ZCCHC14: variants seen among roughly 807,000 people sequenced by gnomAD.
The protein encoded by ZCCHC14 is zinc finger CCHC domain-containing protein 14.
Under a neutral mutation model 85.0 loss-of-function variants are expected in ZCCHC14, and 16 were observed. That is an observed-to-expected ratio of 0.19 (90% CI 0.13 to 0.29). ZCCHC14 has a LOEUF of 0.29. Among genes scored for constraint, ZCCHC14 ranks in the 10% least tolerant of loss-of-function variants. ZCCHC14 has a pLI of 1.00. For synonymous variants in ZCCHC14, 775 were observed against 630.7 expected, an observed-to-expected ratio of 1.23 and a Z score of -3.43; for missense variants, 1,303 against 1,443.5, an observed-to-expected ratio of 0.90 and a Z score of 1.58.
intron 7 of ZCCHC14, among the ~76,000 whole-genome samples, chr16:87,418,378 C>A (rs555517165): frequency 1.7e-4 from 26 of 152,314 alleles, no homozygotes; most frequent in African/African-American, 5.8e-4. Context: ...CGCCTCGAAA[C>A]CTCGCGCCCA....
intron 2 of ZCCHC14, among the ~76,000 whole-genome samples, chr16:87,438,717 G>A (rs1910048217): frequency 6.6e-6 from 1 of 152,186 alleles, no homozygotes; most frequent in Non-Finnish European, 1.5e-5. Flanking sequence ...CGAGGCCTGG[G>A]CCCACGGTCA....
chr16:87,420,652 G>A lies in ZCCHC14; in HGVS notation c.905C>T (p.Ala302Val). The A allele has an allele frequency of 6.2e-7, 1 of 1,613,996 alleles. No individual in the cohort carries two copies. The highest frequency in any genetic ancestry group is 8.5e-7 in the Non-Finnish European group (1 of 1,179,924). ...CACGTGGTTTCGCTCCACATAAAAT[G>A]CGTCCGGACCAGCTAAGCAAGGAAT... ...KLIPCLAGPDAFYVERNHVDL... is the reference protein window; with the variant it reads ...KLIPCLAGPDVFYVERNHVDL... The change falls in exon 5 of 13, where the codon GCA (alanine) becomes GTA (valine). Residue 302 changes from alanine to valine, a missense_variant. Around this residue, in one of 7 missense-constraint regions of ZCCHC14, gnomAD observed 389 missense variants for 397.8 expected, o/e 0.98. Transcript: ENST00000671377. The surrounding 1 kb of genome is among the most constrained non-coding windows in gnomAD (Gnocchi z 5.0).
chr16:87,430,094 T>C (rs1048048848), intron 3 of ZCCHC14, among the ~76,000 whole-genome samples: 5 of 152,254 alleles, frequency 3.3e-5, no homozygotes, highest in African/African-American at 1.2e-4. Context: ...TTGTCTTTTA[T>C]GGATGTTTTC....
intron 1 of ZCCHC14, among the ~76,000 whole-genome samples, chr16:87,481,644 T>C (rs557566255): frequency 6.7e-6 from 1 of 149,084 alleles, no homozygotes; most frequent in Non-Finnish European, 1.5e-5. Flanking sequence ...GAACCGGGGC[T>C]GTAACGGTGT....
intron 2 of ZCCHC14, among the ~76,000 whole-genome samples, chr16:87,441,977 G>C (rs1910207729): frequency 6.6e-6 from 1 of 152,238 alleles, no homozygotes; most frequent in African/African-American, 2.4e-5. Flanking sequence ...TTCCCATGAA[G>C]ATGGGGATGG....
chr16:87,435,429 A>C (rs1300873269), intron 2 of ZCCHC14, among the ~76,000 whole-genome samples: 1 of 152,224 alleles, frequency 6.6e-6, no homozygotes, highest in Non-Finnish European at 1.5e-5. Flanking sequence ...GGGCCTCCAC[A>C]TGCCCCTCAT....
At chr16:87,418,455 G>GGC (rs1307233314) in intron 7 of ZCCHC14, among the ~76,000 whole-genome samples, 1 of 152,188 alleles carries the variant, frequency 6.6e-6, no homozygotes, top group Non-Finnish European at 1.5e-5. Context: ...CCACCTCACT[G>GGC]TCAGCAAAGA....
intron 2 of ZCCHC14, among the ~76,000 whole-genome samples, chr16:87,454,736 C>A (rs1910869207): frequency 6.6e-6 from 1 of 152,176 alleles, no homozygotes; most frequent in Non-Finnish European, 1.5e-5. Flanking sequence ...TCATCTTTTT[C>A]CTTTTCCTTT....
intron 3 of ZCCHC14, among the ~76,000 whole-genome samples, chr16:87,428,210 T>C (rs927653792): frequency 1.2e-4 from 18 of 152,206 alleles, no homozygotes; most frequent in Admixed American, 6.5e-5. Context: ...TATAAAACAG[T>C]AACCTTTTGT....
rs113340588 is a variant in ZCCHC14, at chr16:87,422,905, C to CGG, written c.840+903_840+904dup. 7.3e-3 allele frequency among the ~76,000 whole-genome samples: 1,100 copies of CGG among 149,822 alleles called. 9 individuals carry two copies. The highest frequency in any genetic ancestry group is 0.059 in the East Asian group (297 of 5,054). ...CACTACAGAGGGAAAAGCAGATTCC[C>CGG]GGGGGGGGGTGTGTGTTACCCTCGA... On this transcript the variant is annotated intron_variant, in intron 4 of 12. Coordinates refer to ENST00000671377, the MANE Select transcript of ZCCHC14 (RefSeq NM_015144.3).
chr16:87,459,997 C>G lies in ZCCHC14; in HGVS notation c.694+11G>C, dbSNP rs185653597. The G allele has an allele frequency of 6.2e-7, 1 of 1,613,946 alleles. No individual in the cohort carries two copies. Among genetic ancestry groups the G allele is most frequent in the Non-Finnish European group, 8.5e-7 (1 of 1,179,956 alleles). On this transcript the variant is annotated intron_variant, in intron 2 of 12. Coordinates refer to ENST00000671377, the MANE Select transcript of ZCCHC14 (RefSeq NM_015144.3). The stretch of plus-strand genomic sequence containing the variant: ...GTCAGACGTCCTCCTGAAACCCGTG[C>G]GTGCACTCACCTTTGCTGTGTTTTC...
intron 1 of ZCCHC14, among the ~76,000 whole-genome samples, chr16:87,462,337 T>C (rs986774935): frequency 1.3e-5 from 2 of 152,204 alleles, no homozygotes; most frequent in Non-Finnish European, 2.9e-5. Context: ...AACAAGATAA[T>C]AGAACCGATA....
rs372189314 is a variant in ZCCHC14 at position 87,455,291 on chromosome 16, C to A, written c.694+4717G>T. 2.9e-3 allele frequency among the ~76,000 whole-genome samples: 431 copies of A among 147,934 alleles called. 2 individuals are homozygous for A. Among genetic ancestry groups the A allele is most frequent in the African/African-American group, 9.8e-3 (404 of 41,142 alleles). ...CAACAAGAGTGAAACTCCGTCCCCC[C>A]CCGCCCCCGCAAAAAAAAATACTGG... is the stretch of plus-strand genomic sequence containing the variant. On this transcript the variant is annotated intron_variant, in intron 2 of 12. Coordinates refer to ENST00000671377, the MANE Select transcript of ZCCHC14 (RefSeq NM_015144.3).
chr16:87,480,910 T>G (rs986450764), intron 1 of ZCCHC14, among the ~76,000 whole-genome samples: 5 of 151,564 alleles, frequency 3.3e-5, no homozygotes, highest in African/African-American at 1.2e-4. Flanking sequence ...GCACAGTGAG[T>G]AGGAGGAACT....
chr16:87,414,475 A>C lies in ZCCHC14; in HGVS notation c.1542T>G (p.Ala514=), dbSNP rs1465241440. The change falls in exon 10 of 13, where the codon GCT becomes GCG. Residue 514 remains alanine (A), a synonymous_variant. Transcript: ENST00000671377. ...APPLVTSSGV[A]RVPPTSHVGP... ...CGACGTGGCTGGTGGGGGGCACTCG[A>C]GCCACACCACTGCTGGTGACCAGCG... 6.2e-7 allele frequency: 1 copy of C among 1,613,422 alleles called. No homozygotes were observed. Among genetic ancestry groups the C allele is most frequent in the East Asian group, 2.2e-5 (1 of 44,884 alleles).
intron 1 of ZCCHC14, among the ~76,000 whole-genome samples, chr16:87,474,743 G>A (rs1911924711): frequency 1.3e-5 from 2 of 152,168 alleles, no homozygotes; most frequent in East Asian, 1.9e-4. Flanking sequence ...GTAGATGATC[G>A]CAGCTGGAAA....
chr16:87,479,174 T>C (rs1310378185), intron 1 of ZCCHC14, among the ~76,000 whole-genome samples: 1 of 151,904 alleles, frequency 6.6e-6, no homozygotes, highest in Non-Finnish European at 1.5e-5. Context: ...CCCAGCACCG[T>C]GGGAGGCTGA....
Position 87,491,709 on chromosome 16 carries a change from C to T in ZCCHC14, c.530G>A (p.Gly177Glu), listed in dbSNP as rs937293385. The T allele has an allele frequency of 3.3e-6, 5 of 1,499,870 alleles. No individual in the cohort carries two copies. The Middle Eastern group carries it at 7.1e-4, about 213-fold the overall frequency. The allele number at this position is 1,499,870 out of a possible 1,614,324, so 92.9% of individuals were successfully genotyped here. A position where few individuals can be genotyped will look rare whatever the true frequency, so the allele number is the denominator to read the frequency against. ...GCAAGTGGGCAGCGCGCCGCCCGGC[C>T]CGGGCGCGCCCTTGCCGCCGTGGCC... ...GGGHGGKGAP[G>E]PGGALPTCPA... The change falls in exon 1 of 13, where the codon GGG becomes GAG. Residue 177 changes from glycine to glutamate, a missense_variant. Coordinates refer to ENST00000671377, the MANE Select transcript of ZCCHC14 (RefSeq NM_015144.3). This position sits in a 1 kb window ranked among gnomAD's most constrained non-coding sequence, Gnocchi z 5.9.
chr16:87,418,384 G>A (rs1423465950), intron 7 of ZCCHC14, among the ~76,000 whole-genome samples: 1 of 152,138 alleles, frequency 6.6e-6, no homozygotes, highest in Non-Finnish European at 1.5e-5. Context: ...GAAACCTCGC[G>A]CCCAGACAAC....
Sources: allele counts gnomAD v4.1 joint callset (sites outside exome capture counted in the v4.1 genomes callset), GRCh38; gene constraint gnomAD v4.1.1; regional missense constraint gnomAD v4.1.1; non-coding constraint Gnocchi (gnomAD v3.1); transcripts MANE v1.5; gene names NCBI Gene and HGNC (gene_info 2026-07-23, HGNC 2026-07-21).